The following HPSE2 variants were observed in gnomAD, a reference collection of about 807,000 sequenced individuals.
The protein encoded by HPSE2 is inactive heparanase-2.
Under a neutral mutation model 60.5 loss-of-function variants are expected in HPSE2, and 38 were observed. The observed-to-expected ratio is 0.63, with a 90% CI of 0.48 to 0.82. HPSE2 has a LOEUF of 0.82. Ranked by LOEUF, HPSE2 falls within the 40% of genes least tolerant of loss-of-function variation. The pLI is 0.00. For missense variants in HPSE2, 713 were observed against 740.4 expected (o/e 0.96, Z 0.43); for synonymous variants, 295 against 293.2 (o/e 1.01, Z -0.06).
chr10:98,622,747 G>A (rs1565024094), intron 7 of HPSE2, among the ~76,000 whole-genome samples: 1 of 152,016 alleles, frequency 6.6e-6, no homozygotes, highest in Non-Finnish European at 1.5e-5. Flanking sequence ...ATAGCATGTT[G>A]GTAAAGATTA....
At chr10:98,884,677 T>C (rs1434868478) in intron 3 of HPSE2, among the ~76,000 whole-genome samples, 1 of 152,106 alleles carries the variant, frequency 6.6e-6, no homozygotes, top group African/African-American at 2.4e-5. Context: ...CAGGGACTGG[T>C]TTTGTGGAAG....
chr10:99,190,522 A>G (rs2133858576), intron 2 of HPSE2, among the ~76,000 whole-genome samples: 1 of 152,316 alleles, frequency 6.6e-6, no homozygotes, highest in Admixed American at 6.5e-5. Context: ...GAGTTCATAT[A>G]TATGTCTGTC....
At chr10:99,312,326 G>A in the HPSE2 span, among the ~76,000 whole-genome samples, 2 of 152,186 alleles carry the variant, frequency 1.3e-5, no homozygotes, top group Admixed American at 6.5e-5. Flanking sequence ...ACCTGGCCTT[G>A]AAGCTTCAAA....
At chr10:98,528,489 G>A (rs1352843222) in intron 9 of HPSE2, among the ~76,000 whole-genome samples, 1 of 152,156 alleles carries the variant, frequency 6.6e-6, no homozygotes, top group East Asian at 1.9e-4. Flanking sequence ...AAAGAGGATG[G>A]ATGATGCTTT....
In HPSE2 at chr10:98,724,050, G is replaced by T. The variant is rs559538711; in HGVS notation, c.785-2222C>A. ...CTTGCTTCTCTAGTTCTTTTAATTG[G>T]GATGTTAGGGTGTCAATTTTAGATC... On this transcript the variant is annotated intron_variant, in intron 4 of 11. Coordinates refer to ENST00000370552, the MANE Select transcript of HPSE2 (RefSeq NM_021828.5). 7.2e-4 allele frequency among the ~76,000 whole-genome samples: 110 copies of T among 151,864 alleles called. 1 individual carries two copies. Among genetic ancestry groups the T allele is most frequent in the African/African-American group, 2.5e-3 (104 of 41,426 alleles).
chr10:98,743,231 A>G (rs569212079), intron 4 of HPSE2, among the ~76,000 whole-genome samples: 4 of 151,894 alleles, frequency 2.6e-5, no homozygotes, highest in African/African-American at 2.4e-5. Flanking sequence ...TAGGCCTCCC[A>G]AAGTGCTGGT....
intron 2 of HPSE2, among the ~76,000 whole-genome samples, chr10:99,207,994 A>G (rs919586052): frequency 1.3e-5 from 2 of 149,640 alleles, no homozygotes; most frequent in African/African-American, 4.9e-5. Context: ...AACAATTATA[A>G]CAATATACTA....
At position 98,508,341 on chromosome 10, in the gene HPSE2, T is replaced by C. The variant is rs534700820; in HGVS notation, c.1321-18145A>G. ...ATGGAGTGAGTTGAACCAAAATAAA[T>C]AGGAAAAGAGAAACTGACAGAAGTT... On this transcript the variant is annotated intron_variant, in intron 9 of 11. Coordinates refer to ENST00000370552, the MANE Select transcript of HPSE2 (RefSeq NM_021828.5). Among the ~76,000 whole-genome samples, 133 of 152,210 alleles carry C rather than the reference T, an allele frequency of 8.7e-4. No homozygotes were observed. In the Middle Eastern group the frequency reaches 0.014, roughly 16 times the overall value.
intron 9 of HPSE2, among the ~76,000 whole-genome samples, chr10:98,498,210 A>ATT (rs1941915909): frequency 2.0e-5 from 3 of 152,224 alleles, no homozygotes; most frequent in African/African-American, 7.2e-5. Context: ...TCCTGAGAGG[A>ATT]CCCACAGACC....
At chr10:98,493,870 A>G (rs1415826012) in intron 9 of HPSE2, among the ~76,000 whole-genome samples, 2 of 152,156 alleles carry the variant, frequency 1.3e-5, no homozygotes, top group Non-Finnish European at 2.9e-5. Context: ...CCTTTCCTAT[A>G]TCACTATCTT....
chr10:98,785,699 C>A (rs906777286), intron 3 of HPSE2, among the ~76,000 whole-genome samples: 17 of 143,964 alleles, frequency 1.2e-4, no homozygotes, highest in Admixed American at 1.1e-3. Flanking sequence ...GGAATGTATC[C>A]ATTTCTTCTA....
chr10:98,739,111 G>T (rs1258319757), intron 4 of HPSE2, among the ~76,000 whole-genome samples: 1 of 152,094 alleles, frequency 6.6e-6, no homozygotes, highest in African/African-American at 2.4e-5. Flanking sequence ...AGAGAATGTG[G>T]CACATATACA....
chr10:98,839,925 G>T (rs1951872157), intron 3 of HPSE2, among the ~76,000 whole-genome samples: 1 of 152,176 alleles, frequency 6.6e-6, no homozygotes, highest in Non-Finnish European at 1.5e-5. Context: ...GCATAAATGG[G>T]AGAAACATTA....
intron 3 of HPSE2, among the ~76,000 whole-genome samples, chr10:98,918,023 C>T (rs1382653185): frequency 6.6e-6 from 1 of 152,182 alleles, no homozygotes; most frequent in Non-Finnish European, 1.5e-5. Flanking sequence ...CCTCTTGCGT[C>T]ATCACATTTC....
intron 3 of HPSE2, among the ~76,000 whole-genome samples, chr10:98,852,113 A>ATATGTGTGTGTGTGTGTGTG (rs779720749): frequency 1.2e-4 from 11 of 91,954 alleles, no homozygotes; most frequent in Admixed American, 6.8e-4. Context: ...GTATATTATG[A>ATATGTGTGTGTGTGTGTGTG]TGTGTGTGTG....
chr10:98,545,272 G>C, intron 9 of HPSE2, among the ~76,000 whole-genome samples: 1 of 151,868 alleles, frequency 6.6e-6, no homozygotes. Context: ...CCAATCAATA[G>C]AAAAAGAAGG....
intron 11 of HPSE2, among the ~76,000 whole-genome samples, chr10:98,470,832 ACG>A (rs1243785664): frequency 1.6e-5 from 2 of 122,612 alleles, no homozygotes; most frequent in African/African-American, 8.1e-5. Context: ...ATGGACAGCT[ACG>A]CAGAGAGTTT....
chr10:99,296,967 T>C, the HPSE2 span, among the ~76,000 whole-genome samples: 9 of 152,204 alleles, frequency 5.9e-5, no homozygotes, highest in South Asian at 2.1e-4. Flanking sequence ...TGGATGGCAA[T>C]TGACGAGATG....
chr10:99,236,984 C>T (rs924712218), upstream of HPSE2, among the ~76,000 whole-genome samples: 1 of 152,146 alleles, frequency 6.6e-6, no homozygotes, highest in Non-Finnish European at 1.5e-5. Context: ...TTTCGGGTTT[C>T]CATCTCGGCC....
Sources: gnomAD v4.1 joint callset for allele counts (sites outside exome capture counted in the v4.1 genomes callset) on GRCh38, gnomAD v4.1.1 for gene constraint, MANE v1.5 for transcripts, NCBI Gene and HGNC (gene_info 2026-07-23, HGNC 2026-07-21) for gene names.